The following PAXIP1 variants were observed in gnomAD, a reference collection of about 807,000 sequenced individuals.
PAXIP1 encodes PAX-interacting protein 1.
A neutral mutation model predicts 140.6 loss-of-function variants in PAXIP1; 19 were observed. The observed-to-expected ratio is 0.14, with a 90% CI of 0.09 to 0.20. The LOEUF (loss-of-function observed/expected upper bound fraction) is 0.20, where lower values mean the gene tolerates loss of function less well. PAXIP1 is among the 10% of genes least tolerant of loss of function. The probability of loss-of-function intolerance (pLI) is 1.00; values close to 1 mark genes in which losing one functional copy is unlikely to be tolerated. For synonymous variants in PAXIP1, 442 were observed against 444.6 expected (o/e 0.99, Z 0.07); for missense variants, 920 against 1,208.6 (o/e 0.76, Z 3.54).
chr7:155,003,265 C>T (rs1210730674), upstream of PAXIP1, among the ~76,000 whole-genome samples: 2 of 151,910 alleles, frequency 1.3e-5, no homozygotes, highest in Admixed American at 6.5e-5. Flanking sequence ...GCCGGCAGCC[C>T]GCTCTGGCCC....
At chr7:154,945,555 T>C in intron 20 of PAXIP1, 1 of 985,274 alleles carries the variant, frequency 1.0e-6, no homozygotes, top group Non-Finnish European at 1.2e-6. Flanking sequence ...TTCCCCTGCT[T>C]AAGGAAAGGT....
rs948668571 is a variant in PAXIP1, at chr7:154,963,857, A to G, written c.1894-91T>C. 2 of 810,376 alleles carry G rather than the reference A, an allele frequency of 2.5e-6. No individual in the cohort carries two copies. Among genetic ancestry groups the G allele is most frequent in the Admixed American group, 4.1e-5 (2 of 48,700 alleles). 50.2% of individuals were successfully genotyped at this position (810,376 alleles called of 1,614,324 possible). A position where few individuals can be genotyped will look rare whatever the true frequency, so the allele number is the denominator to read the frequency against. On this transcript the variant is annotated intron_variant, in intron 8 of 20. Transcript: ENST00000404141. The surrounding 1 kb of genome is among the most constrained non-coding windows in gnomAD (Gnocchi z 4.1). ...AATAAGGCAGCTATTAAAAGACTCT[A>G]TCATATATTTATATCATGTATTTCC...
intron 2 of PAXIP1, among the ~76,000 whole-genome samples, chr7:154,997,845 G>C (rs1045468223): frequency 3.9e-5 from 6 of 152,224 alleles, no homozygotes. Context: ...GTTAATGGGG[G>C]ACGCCCTTCA....
At chr7:154,989,041 A>T (rs1214034959) in intron 4 of PAXIP1, among the ~76,000 whole-genome samples, 2 of 152,254 alleles carry the variant, frequency 1.3e-5, no homozygotes, top group African/African-American at 4.8e-5. Flanking sequence ...AACAGATATG[A>T]AAAAACATTG....
chr7:154,953,527 A>G (rs1808374269), intron 16 of PAXIP1, among the ~76,000 whole-genome samples: 1 of 152,152 alleles, frequency 6.6e-6, no homozygotes, highest in Non-Finnish European at 1.5e-5. Context: ...GGGAGGATGG[A>G]GGACACAGCT....
chr7:154,970,464 T>C (rs1262332138), intron 6 of PAXIP1, among the ~76,000 whole-genome samples: 2 of 152,232 alleles, frequency 1.3e-5, no homozygotes, highest in African/African-American at 4.8e-5. Flanking sequence ...AAAATCACCT[T>C]ATGTATGAGA....
Position 154,966,124 on chromosome 7 carries a change from T to C in PAXIP1, c.1893+1692A>G, listed in dbSNP as rs142971202. ...TAAGAAAGAATATAAGGGAGGTACATTTTTTACCATTAGTCTACAAATATC... is the reference window on the plus strand; with the variant it reads ...TAAGAAAGAATATAAGGGAGGTACACTTTTTACCATTAGTCTACAAATATC... On this transcript the variant is annotated intron_variant, in intron 8 of 20. Coordinates refer to ENST00000404141, the MANE Select transcript of PAXIP1 (RefSeq NM_007349.4). Among the ~76,000 whole-genome samples, 32 of 152,324 alleles carry C rather than the reference T, an allele frequency of 2.1e-4. No homozygotes were observed. In the East Asian group the frequency reaches 4.8e-3, roughly 23 times the overall value.
At chr7:154,977,029 A>G (rs961828491) in intron 5 of PAXIP1, among the ~76,000 whole-genome samples, 2 of 152,238 alleles carry the variant, frequency 1.3e-5, no homozygotes, top group Admixed American at 1.3e-4. Flanking sequence ...GCAGGAGGAA[A>G]GCCCCGTTGA....
intron 3 of PAXIP1, among the ~76,000 whole-genome samples, chr7:154,992,057 G>A (rs558825420): frequency 1.6e-4 from 25 of 152,276 alleles, no homozygotes; most frequent in African/African-American, 6.0e-4. Context: ...TCCAACCTAA[G>A]CTCATGGATT....
chr7:154,947,334 A>T (rs1191185872), intron 17 of PAXIP1: 2 of 155,014 alleles, frequency 1.3e-5, no homozygotes, highest in East Asian at 3.8e-4. Context: ...GAAACTGCAA[A>T]TAATTTCTAA....
At chr7:154,956,000 T>C (rs1437501135) in intron 14 of PAXIP1, among the ~76,000 whole-genome samples, 1 of 152,232 alleles carries the variant, frequency 6.6e-6, no homozygotes, top group African/African-American at 2.4e-5. Flanking sequence ...CTTCATTTTT[T>C]TCTATCAAGT....
intron 6 of PAXIP1, among the ~76,000 whole-genome samples, chr7:154,970,450 C>G (rs1190036676): frequency 6.6e-6 from 1 of 152,216 alleles, no homozygotes; most frequent in Non-Finnish European, 1.5e-5. Flanking sequence ...GCACACCCAT[C>G]TCTAAAATCA....
At chr7:154,960,595 C>T (rs553920074) in intron 12 of PAXIP1, among the ~76,000 whole-genome samples, 1 of 152,058 alleles carries the variant, frequency 6.6e-6, no homozygotes, top group Non-Finnish European at 1.5e-5. Flanking sequence ...GGAAATCACC[C>T]GAGCCCAGGA....
In PAXIP1 at chr7:154,957,271, C is replaced by A; in HGVS notation, c.2502G>T (p.Leu834=). The A allele has an allele frequency of 6.2e-7, 1 of 1,606,296 alleles. No homozygotes were observed. Residue 834 remains leucine (L), a synonymous_variant, in exon 14 of 21, where the codon CTG becomes CTT. Transcript: ENST00000404141. ...LLMSIRLPPK[L]KQNEVANVQP... ...GGACATTAGCTACTTCATTCTGTTT[C>A]AGTTTGGGAGGTAGTCTTATACTCT...
intron 16 of PAXIP1, among the ~76,000 whole-genome samples, chr7:154,953,072 C>T (rs1808343607): frequency 6.6e-6 from 1 of 152,078 alleles, no homozygotes; most frequent in Non-Finnish European, 1.5e-5. Flanking sequence ...TGACATGAAT[C>T]TAAAATATTT....
intron 2 of PAXIP1, among the ~76,000 whole-genome samples, chr7:154,995,021 T>C (rs930538725): frequency 1.1e-4 from 17 of 152,294 alleles, no homozygotes; most frequent in South Asian, 4.1e-4. Flanking sequence ...TCAGAACACC[T>C]TCATGTAGAC....
At chr7:154,969,857 G>T (rs1182520554) in intron 6 of PAXIP1, among the ~76,000 whole-genome samples, 1 of 152,190 alleles carries the variant, frequency 6.6e-6, no homozygotes, top group African/African-American at 2.4e-5. Context: ...CATCATTAGA[G>T]CTGGGAAATG....
intron 5 of PAXIP1, among the ~76,000 whole-genome samples, chr7:154,977,249 G>A (rs1277369218): frequency 1.3e-5 from 2 of 152,170 alleles, no homozygotes; most frequent in African/African-American, 2.4e-5. Context: ...TTAAATAAGA[G>A]TAATATGACA....
chr7:154,976,733 G>A (rs997142259), intron 5 of PAXIP1, among the ~76,000 whole-genome samples: 1 of 152,154 alleles, frequency 6.6e-6, no homozygotes, highest in South Asian at 2.1e-4. Context: ...AAGTAACAGC[G>A]TGGCAGAGTG....
Sources: gnomAD v4.1 joint callset for allele counts (sites outside exome capture counted in the v4.1 genomes callset) on GRCh38, gnomAD v4.1.1 for gene constraint, Gnocchi (gnomAD v3.1) non-coding constraint, MANE v1.5 for transcripts, NCBI Gene and HGNC (gene_info 2026-07-23, HGNC 2026-07-21) for gene names.